Variants in POLN observed in about 807,000 individuals in gnomAD.
POLN encodes the protein DNA polymerase nu.
A neutral mutation model predicts 113.5 loss-of-function variants in POLN; 108 were observed. The observed-to-expected ratio is 0.95, with a 90% CI of 0.81 to 1.12. The LOEUF (loss-of-function observed/expected upper bound fraction) is 1.12, where lower values mean the gene tolerates loss of function less well. Ranked by LOEUF, POLN falls within the 50% of genes most tolerant of loss-of-function variation. The pLI, the probability that POLN is intolerant of heterozygous loss-of-function variation, is 0.00. For synonymous variants in POLN, 386 were observed against 391.5 expected, an observed-to-expected ratio of 0.99 and a Z score of 0.17; for missense variants, 1,097 against 1,077.1, an observed-to-expected ratio of 1.02 and a Z score of -0.26.
In POLN at chr4:2,171,107, C is replaced by T; in HGVS notation, c.1449G>A (p.Gln483=). The change falls in exon 12 of 26, where the codon CAG becomes CAA. Residue 483 remains glutamine, a synonymous_variant. Coordinates refer to ENST00000511885, the MANE Select transcript of POLN (RefSeq NM_181808.4). ...GERFLITSNN[Q]LREILFGKLK... ...CAAAATTCAGCTTTACCTCTCGAAG[C>T]TGGTTATTGCTCGTTATAAGAAACC... The T allele has an allele frequency of 6.2e-7, 1 of 1,611,982 alleles. No individual in the cohort carries two copies. Among genetic ancestry groups the T allele is most frequent in the Non-Finnish European group, 8.5e-7 (1 of 1,179,406 alleles).
chr4:2,218,187 T>C (rs996592351), intron 3 of POLN, among the ~76,000 whole-genome samples: 9 of 151,298 alleles, frequency 5.9e-5, no homozygotes, highest in African/African-American at 2.2e-4. Flanking sequence ...ATCCCAGCAC[T>C]TTGGGAGGCC....
At chr4:2,241,115 A>G (rs1374212881) in intron 2 of POLN, 2 of 556,488 alleles carry the variant, frequency 3.6e-6, no homozygotes, top group Admixed American at 3.7e-5. Flanking sequence ...GAAAACAAGT[A>G]TTAGACCACA....
At chr4:2,166,371 T>G (rs975694178) in intron 13 of POLN, among the ~76,000 whole-genome samples, 5 of 152,250 alleles carry the variant, frequency 3.3e-5, no homozygotes, top group African/African-American at 1.2e-4. Context: ...TAGCGTTCTC[T>G]CTGGACCACT....
At chr4:2,154,198 C>CAAAAA (rs58879582) in intron 16 of POLN, among the ~76,000 whole-genome samples, 10 of 63,920 alleles carry the variant, frequency 1.6e-4, no homozygotes, top group Admixed American at 4.7e-4. Context: ...TCCATCTCAA[C>CAAAAA]AAAAAAAAAA....
rs114045012 is a variant in POLN, at chr4:2,077,331, C to T, written c.2388-1812G>A. Among the ~76,000 whole-genome samples, 1,200 of 152,338 alleles carry T rather than the reference C, an allele frequency of 7.9e-3. 24 individuals are homozygous for T. Among genetic ancestry groups the T allele is most frequent in the African/African-American group, 0.027 (1,102 of 41,580 alleles). ...CCTTCTGGAGTCTGAGCTGCTGTAG[C>T]TTGGGCCTGTGTTCCTGACGGCCAA... On this transcript the variant is annotated intron_variant, in intron 23 of 25. Coordinates refer to ENST00000511885, the MANE Select transcript of POLN (RefSeq NM_181808.4).
In POLN at chr4:2,128,206, C is replaced by A; in HGVS notation, c.1889G>T (p.Arg630Leu). Residue 630 changes from arginine (R) to leucine (L), a missense_variant, in exon 19 of 26, where the codon CGC becomes CTC. Physicochemically the swap from Arg to Leu is moderately radical, Grantham distance 102. Coordinates refer to ENST00000511885, the MANE Select transcript of POLN (RefSeq NM_181808.4). The part of the protein sequence containing the change: ...LAADFSQIEL[R>L]ILTHLSGDPE... ...ATCTCCAGATAAATGTGTAAGAATG[C>A]GCAATTCAATCTGTGAAAAGTCTGT... is the stretch of plus-strand genomic sequence containing the variant. 2.5e-6 allele frequency: 4 copies of A among 1,608,386 alleles called. No homozygotes were observed. The highest frequency in any genetic ancestry group is 3.4e-6 in the Non-Finnish European group (4 of 1,175,278).
intron 13 of POLN, among the ~76,000 whole-genome samples, chr4:2,162,028 C>T (rs925867762): frequency 1.3e-5 from 2 of 152,136 alleles, no homozygotes; most frequent in Admixed American, 1.3e-4. Context: ...ACAGACCACT[C>T]AGCTCTACCA....
chr4:2,135,141 G>A (rs539401126), intron 16 of POLN, among the ~76,000 whole-genome samples: 107 of 152,258 alleles, frequency 7.0e-4, no homozygotes, highest in Middle Eastern at 3.4e-3. Flanking sequence ...GGGTTCAAAT[G>A]AACAAAATGA....
At chr4:2,109,073 CAATGATTATAG>C (rs1245881524) in intron 19 of POLN, among the ~76,000 whole-genome samples, 3 of 152,068 alleles carry the variant, frequency 2.0e-5, no homozygotes, top group Non-Finnish European at 4.4e-5. Context: ...AAAAAATCAT[CAATGATTATAG>C]AAATTTTGGA....
chr4:2,163,443 A>G (rs1732650962), intron 13 of POLN, among the ~76,000 whole-genome samples: 1 of 152,254 alleles, frequency 6.6e-6, no homozygotes, highest in Admixed American at 6.5e-5. Flanking sequence ...CAGAGCACTG[A>G]GTGCTGGCTG....
chr4:2,147,610 T>C (rs994268141), intron 16 of POLN, among the ~76,000 whole-genome samples: 2 of 149,318 alleles, frequency 1.3e-5, no homozygotes, highest in Non-Finnish European at 3.0e-5. Flanking sequence ...GAAAGACAAT[T>C]CAAGAGTAGA....
At chr4:2,196,478 G>A (rs1045637528) in intron 6 of POLN, among the ~76,000 whole-genome samples, 1 of 152,120 alleles carries the variant, frequency 6.6e-6, no homozygotes, top group Non-Finnish European at 1.5e-5. Context: ...AGGGGCTGAG[G>A]AACGCTCCAG....
In POLN at chr4:2,137,324, C is replaced by T. The variant is rs566824662; in HGVS notation, c.1732-6034G>A. On this transcript the variant is annotated intron_variant, in intron 16 of 25. Coordinates refer to ENST00000511885, the MANE Select transcript of POLN (RefSeq NM_181808.4). ...CCAAGGTTCTGTTGCCTCCAGGGTC[C>T]GCCAGACAATGCCAGCGGTCTCTTG... Among the ~76,000 whole-genome samples the T allele has an allele frequency of 6.6e-5, 10 of 152,228 alleles. No homozygotes were observed. The South Asian group carries it at 1.2e-3, about 19-fold the overall frequency.
intron 21 of POLN, among the ~76,000 whole-genome samples, chr4:2,085,107 T>C (rs1392069515): frequency 1.3e-5 from 2 of 152,258 alleles, no homozygotes; most frequent in Non-Finnish European, 2.9e-5. Flanking sequence ...AGGATTTCTT[T>C]TTTTAATCCT....
intron 20 of POLN, among the ~76,000 whole-genome samples, chr4:2,094,234 C>G (rs1730729952): frequency 1.3e-5 from 2 of 152,122 alleles, no homozygotes; most frequent in South Asian, 4.2e-4. Flanking sequence ...GTCACCCCAG[C>G]TACTCAGGAG....
At chr4:2,074,257 G>A (rs776572633) in intron 24 of POLN, among the ~76,000 whole-genome samples, 5 of 152,138 alleles carry the variant, frequency 3.3e-5, no homozygotes, top group Non-Finnish European at 7.4e-5. Flanking sequence ...GATGCTGGGC[G>A]CTACACACCG....
chr4:2,099,468 C>T (rs1730872805), intron 19 of POLN, among the ~76,000 whole-genome samples: 2 of 152,226 alleles, frequency 1.3e-5, no homozygotes, highest in Admixed American at 1.3e-4. Flanking sequence ...ATCGGACAAA[C>T]ACCAATTGAG....
At position 2,212,879 on chromosome 4, in the gene POLN, C is replaced by G. The variant is rs79228379; in HGVS notation, c.213+168G>C. On this transcript the variant is annotated intron_variant, in intron 4 of 25. Transcript: ENST00000511885. ...CTTCTCTCATGGCACCTACTTGCCC[C>G]TCCCTGCATCCAAATTAAACTATAA... Among the ~76,000 whole-genome samples, 616 of 152,116 alleles carry G rather than the reference C, an allele frequency of 4.0e-3. 7 individuals are homozygous for G. Among genetic ancestry groups the G allele is most frequent in the African/African-American group, 0.014 (586 of 41,518 alleles).
chr4:2,088,424 A>G (rs548010287), intron 20 of POLN, among the ~76,000 whole-genome samples: 2 of 152,358 alleles, frequency 1.3e-5, no homozygotes, highest in South Asian at 4.1e-4. Context: ...AGAAAGTTGA[A>G]TGCTTCAAAC....
Sources: allele counts gnomAD v4.1 joint callset (sites outside exome capture counted in the v4.1 genomes callset), GRCh38; gene constraint gnomAD v4.1.1; transcripts MANE v1.5; gene names NCBI Gene and HGNC (gene_info 2026-07-23, HGNC 2026-07-21).